IL2RB: variants seen among roughly 807,000 people sequenced by gnomAD.
IL2RB encodes the protein interleukin 2 receptor subunit beta, also known as interleukin-2 receptor subunit beta.
IL2RB carries 17 observed loss-of-function variants against 44.2 expected under a neutral mutation model. The ratio of observed to expected loss-of-function variants is 0.38; its 90% CI spans 0.26 to 0.58. The LOEUF is 0.58. Among genes scored for constraint, IL2RB ranks in the 20% least tolerant of loss-of-function variants. The pLI, the probability that IL2RB is intolerant of heterozygous loss-of-function variation, is 0.63. For missense variants in IL2RB, 624 were observed against 685.5 expected, an observed-to-expected ratio of 0.91 and a Z score of 1.00; for synonymous variants, 286 against 297.9, an observed-to-expected ratio of 0.96 and a Z score of 0.41.
intron 5 of IL2RB, among the ~76,000 whole-genome samples, chr22:37,138,323 G>A (rs1921805459): frequency 6.6e-6 from 1 of 152,146 alleles, no homozygotes; most frequent in African/African-American, 2.4e-5. Context: ...TGACTACATG[G>A]TAAGCAGTTT....
chr22:37,159,489 G>C (rs1205076502), intron 1 of IL2RB, among the ~76,000 whole-genome samples: 1 of 152,154 alleles, frequency 6.6e-6, no homozygotes, highest in African/African-American at 2.4e-5. Flanking sequence ...TTTCAGGAAG[G>C]GGGAAGGAGC....
intron 1 of IL2RB, among the ~76,000 whole-genome samples, chr22:37,165,741 G>A (rs957266831): frequency 6.6e-6 from 1 of 151,940 alleles, no homozygotes; most frequent in African/African-American, 2.4e-5. Context: ...GGGGAGGAGG[G>A]GAGAAGAGGG....
intron 4 of IL2RB, among the ~76,000 whole-genome samples, chr22:37,140,169 C>T (rs1019035307): frequency 2.0e-5 from 3 of 152,142 alleles, no homozygotes; most frequent in African/African-American, 7.2e-5. Context: ...ATGGGCAAAC[C>T]TTAAACCTGA....
intron 1 of IL2RB, among the ~76,000 whole-genome samples, chr22:37,161,189 G>A (rs1207676873): frequency 1.3e-5 from 2 of 151,996 alleles, no homozygotes; most frequent in East Asian, 1.9e-4. Flanking sequence ...TAAAATACTC[G>A]CCATTAATTC....
Position 37,141,217 on chromosome 22 carries a change from A to G in IL2RB, c.282+1217T>C, listed in dbSNP as rs1393638393. Among the ~76,000 whole-genome samples the G allele has an allele frequency of 3.3e-5, 5 of 151,392 alleles. No homozygotes were observed. The highest frequency in any genetic ancestry group is 1.2e-4 in the African/African-American group (5 of 41,046). On this transcript the variant is annotated intron_variant, in intron 4 of 9. Transcript: ENST00000216223. The surrounding 1 kb of genome is among the most constrained non-coding windows in gnomAD (Gnocchi z 4.4). Reference sequence around the variant, plus strand: ...TGGCCACAGAGCCAGGTGTCCCTGCACTCTCAGGGGCCCTGGTCCAAACCC... The same window carrying G: ...TGGCCACAGAGCCAGGTGTCCCTGCGCTCTCAGGGGCCCTGGTCCAAACCC...
chr22:37,142,764 A>C, intron 3 of IL2RB: 1 of 642,420 alleles, frequency 1.6e-6, no homozygotes, highest in Admixed American at 2.3e-5. Context: ...AGAAACACAA[A>C]CCACTTCAAG....
chr22:37,129,730 A>T (rs1361156580), intron 9 of IL2RB, among the ~76,000 whole-genome samples: 1 of 152,210 alleles, frequency 6.6e-6, no homozygotes, highest in African/African-American at 2.4e-5. Context: ...TAAACACCCA[A>T]AACGGGTAAG....
chr22:37,130,241 G>A (rs1921358723), intron 9 of IL2RB, among the ~76,000 whole-genome samples: 1 of 152,244 alleles, frequency 6.6e-6, no homozygotes, highest in African/African-American at 2.4e-5. Context: ...CAGGGCAAGG[G>A]CGGGGCCAGA....
At chr22:37,171,682 CAT>C (rs112488699) in intron 1 of IL2RB, among the ~76,000 whole-genome samples, 7 of 152,348 alleles carry the variant, frequency 4.6e-5, no homozygotes, top group African/African-American at 1.4e-4. Context: ...AAATGTGCCA[CAT>C]GATTCCCAAT....
intron 1 of IL2RB, among the ~76,000 whole-genome samples, chr22:37,172,233 AAG>A (rs1555899945): frequency 3.3e-5 from 5 of 150,692 alleles, no homozygotes; most frequent in Admixed American, 2.0e-4. Context: ...AAAAAAAAAA[AAG>A]TGATGTTGGG....
chr22:37,172,215 T>TGAAAAA (rs745509972), intron 1 of IL2RB, among the ~76,000 whole-genome samples: 2 of 104,512 alleles, frequency 1.9e-5, no homozygotes, highest in African/African-American at 6.5e-5. Context: ...AAAGGTAAAG[T>TGAAAAA]AAAAAAAAAA....
chr22:37,130,723 G>A lies in IL2RB; in HGVS notation c.903+1661C>T, dbSNP rs564457574. Among the ~76,000 whole-genome samples the A allele has an allele frequency of 9.2e-5, 14 of 152,334 alleles. No homozygotes were observed. The South Asian group carries it at 2.3e-3, about 25-fold the overall frequency. On this transcript the variant is annotated intron_variant, in intron 9 of 9. Coordinates refer to ENST00000216223, the MANE Select transcript of IL2RB (RefSeq NM_000878.5). ...TATCTGAGCATGCAGCTAATCTACC[G>A]CAGCCTCCAACCAGTTCAATGGGAG... is the stretch of plus-strand genomic sequence containing the variant.
rs765022753 is a variant in IL2RB at position 37,136,218 on chromosome 22, C to T, written c.703+10G>A. The T allele has an allele frequency of 6.2e-7, 1 of 1,605,780 alleles. No homozygotes were observed. Among genetic ancestry groups the T allele is most frequent in the South Asian group, 1.1e-5 (1 of 89,772 alleles). On this transcript the variant is annotated intron_variant, in intron 7 of 9. Coordinates refer to ENST00000216223, the MANE Select transcript of IL2RB (RefSeq NM_000878.5). ...CTGAGCCCCCTCTCACCCTTGCCGC[C>T]CACCAGTACCTGCAGGCTTTGTCCT...
chr22:37,130,923 T>C lies in IL2RB; in HGVS notation c.903+1461A>G, dbSNP rs3218324. On this transcript the variant is annotated intron_variant, in intron 9 of 9. Coordinates refer to ENST00000216223, the MANE Select transcript of IL2RB (RefSeq NM_000878.5). ...GGCGCACGCCTGTAATCCCAGCACTTTGGGAGGCCGAGGCGGGCAGATCAC... is the reference window on the plus strand; with the variant it reads ...GGCGCACGCCTGTAATCCCAGCACTCTGGGAGGCCGAGGCGGGCAGATCAC... Among the ~76,000 whole-genome samples the C allele has an allele frequency of 3.2e-3, 482 of 152,292 alleles. 5 individuals carry two copies. Among genetic ancestry groups the C allele is most frequent in the African/African-American group, 0.011 (465 of 41,558 alleles).
At chr22:37,136,049 C>T (rs562262563) in intron 7 of IL2RB, among the ~76,000 whole-genome samples, 179 bp downstream of exon 7, 6 of 152,256 alleles carry the variant, frequency 3.9e-5, no homozygotes, top group African/African-American at 9.6e-5. Flanking sequence ...TGGCAAGCCC[C>T]GTCCCCTCAC....
intron 4 of IL2RB, among the ~76,000 whole-genome samples, chr22:37,140,805 C>T (rs766124047): frequency 1.3e-5 from 2 of 152,152 alleles, no homozygotes; most frequent in African/African-American, 4.8e-5. Flanking sequence ...CCTAATGCAA[C>T]GGTGAGAAGC....
At chr22:37,169,918 G>A (rs1296975779) in intron 1 of IL2RB, among the ~76,000 whole-genome samples, 2 of 152,196 alleles carry the variant, frequency 1.3e-5, no homozygotes, top group Non-Finnish European at 2.9e-5. Context: ...CTGGAGCATA[G>A]GAGGTGCTTA....
At chr22:37,147,112 C>T (rs546014120) in intron 1 of IL2RB, among the ~76,000 whole-genome samples, 5 of 152,322 alleles carry the variant, frequency 3.3e-5, no homozygotes, top group Non-Finnish European at 5.9e-5. Flanking sequence ...CCCAACTCCA[C>T]GCCGCTCTGC....
intron 3 of IL2RB, among the ~76,000 whole-genome samples, chr22:37,143,058 C>T (rs1194055497): frequency 1.3e-5 from 2 of 152,172 alleles, no homozygotes; most frequent in African/African-American, 4.8e-5. Context: ...ATGTTTACAT[C>T]ACAGTGACAT....
Sources: gnomAD v4.1 joint callset for allele counts (sites outside exome capture counted in the v4.1 genomes callset) on GRCh38, gnomAD v4.1.1 for gene constraint, Gnocchi (gnomAD v3.1) non-coding constraint, MANE v1.5 for transcripts, NCBI Gene and HGNC (gene_info 2026-07-23, HGNC 2026-07-21) for gene names.